The following PKD1L3 variants were observed in gnomAD, a reference collection of about 807,000 sequenced individuals.
PKD1L3 encodes the protein polycystin 1 like 3, transient receptor potential channel interacting.
Under a neutral mutation model 184.1 loss-of-function variants are expected in PKD1L3, and 239 were observed. The ratio of observed to expected loss-of-function variants is 1.30; its 90% CI spans 1.17 to 1.45. The LOEUF (loss-of-function observed/expected upper bound fraction) is 1.45. Ranked by LOEUF, PKD1L3 falls within the 40% of genes most tolerant of loss-of-function variation. The probability of loss-of-function intolerance (pLI) is 0.00; values close to 1 mark genes in which losing one functional copy is unlikely to be tolerated. For missense variants in PKD1L3, 2,660 were observed against 2,067.2 expected (o/e 1.29, Z -5.56); for synonymous variants, 996 against 778.8 (o/e 1.28, Z -4.64).
At position 71,980,120 on chromosome 16, in the gene PKD1L3, C is replaced by T. The variant is rs2040092560; in HGVS notation, c.1158G>A (p.Leu386=). ...KRHTEPVEDI[L]EMSLVEFGNI... ...TCCCAAACTCCACCAAGGACATTTC[C>T]AGGATGTCTTCTACCTGCATGGAAA... The change falls in exon 8 of 30, where the codon CTG becomes CTA. Residue 386 remains leucine, a synonymous_variant. Transcript: ENST00000620267. 1.3e-6 allele frequency: 2 copies of T among 1,551,478 alleles called. No individual in the cohort carries two copies. Among genetic ancestry groups the T allele is most frequent in the African/African-American group, 1.4e-5 (1 of 73,054 alleles).
chr16:71,961,979 C>G (rs2039297729), intron 16 of PKD1L3, among the ~76,000 whole-genome samples: 1 of 152,198 alleles, frequency 6.6e-6, no homozygotes, highest in African/African-American at 2.4e-5. Flanking sequence ...GGCTGGAGCA[C>G]AGTGGCTGTA....
rs547268544 is a variant in PKD1L3, at chr16:71,944,153, C to G, written c.3736G>C (p.Val1246Leu). The change falls in exon 23 of 30, where the codon GTA becomes CTA. Residue 1246 changes from valine to leucine, a missense_variant. Physicochemically the swap from Val to Leu is conservative, Grantham distance 32. Transcript: ENST00000620267. ...TTGTTCTTATCTCTTGAACCTGGTACTGACGAAGAACATTTTGCTGTCAAA... is the reference window on the plus strand; with the variant it reads ...TTGTTCTTATCTCTTGAACCTGGTAGTGACGAAGAACATTTTGCTGTCAAA... ...LALLAKCSSS[V>L]PGSRDKNNPV... 16 of 1,549,900 alleles carry G rather than the reference C, an allele frequency of 1.0e-5. No individual in the cohort carries two copies. The East Asian group carries it at 3.9e-4, about 38-fold the overall frequency.
intron 24 of PKD1L3, among the ~76,000 whole-genome samples, chr16:71,942,218 G>C (rs1310600879): frequency 1.3e-5 from 2 of 152,076 alleles, no homozygotes; most frequent in Non-Finnish European, 2.9e-5. Flanking sequence ...TGTAATCCCA[G>C]TTACTTGGGA....
intron 3 of PKD1L3, among the ~76,000 whole-genome samples, chr16:71,990,863 A>G (rs1345536212): frequency 2.0e-5 from 3 of 152,202 alleles, no homozygotes; most frequent in African/African-American, 7.2e-5. Context: ...ATTATCAACA[A>G]CAAAATCCAG....
At position 71,967,119 on chromosome 16, in the gene PKD1L3, C is replaced by T. The variant is rs1567523311; in HGVS notation, c.2465+18G>A. The T allele has an allele frequency of 3.2e-6, 5 of 1,543,214 alleles. No homozygotes were observed. The highest frequency in any genetic ancestry group is 4.4e-6 in the Non-Finnish European group (5 of 1,142,420). Reference sequence around the variant, plus strand: ...TCCACAAAGCAGCAGCAACAGCCAACAGGATATAAGTACTCACCAGGAGGG... The same window carrying T: ...TCCACAAAGCAGCAGCAACAGCCAATAGGATATAAGTACTCACCAGGAGGG... On this transcript the variant is annotated intron_variant, in intron 15 of 29. Coordinates refer to ENST00000620267, the MANE Select transcript of PKD1L3 (RefSeq NM_181536.2).
intron 25 of PKD1L3, among the ~76,000 whole-genome samples, chr16:71,936,483 G>A (rs894129034): frequency 6.7e-6 from 1 of 149,854 alleles, no homozygotes; most frequent in Admixed American, 6.7e-5. Context: ...GATTACAGGC[G>A]TGAGCCACTG....
chr16:71,989,069 G>C (rs1296293902), intron 4 of PKD1L3, among the ~76,000 whole-genome samples: 1 of 152,206 alleles, frequency 6.6e-6, no homozygotes, highest in African/African-American at 2.4e-5. Flanking sequence ...CAATATAGCA[G>C]AGTGGCATAT....
Position 71,963,219 on chromosome 16 carries a change from C to T in PKD1L3, c.2598G>A (p.Glu866=). The T allele has an allele frequency of 3.9e-6, 6 of 1,549,046 alleles. No individual in the cohort carries two copies. The highest frequency in any genetic ancestry group is 4.4e-6 in the Non-Finnish European group (5 of 1,145,794). ...TCCAACAGTACCTAAAGGAAAAGAGCTCTCTCTTTGAAACTGGGATGAAGA... is the reference window on the plus strand; with the variant it reads ...TCCAACAGTACCTAAAGGAAAAGAGTTCTCTCTTTGAAACTGGGATGAAGA... ...DRVFIPVSKR[E]LFSFRHLFSS... Residue 866 remains glutamate (E), a synonymous_variant, in exon 16 of 30, where the codon GAG becomes GAA. Transcript: ENST00000620267.
intron 25 of PKD1L3, 38 bp from the exon 26 acceptor site, chr16:71,935,556 G>A: frequency 1.9e-6 from 3 of 1,541,368 alleles, no homozygotes; most frequent in Non-Finnish European, 8.8e-7. Context: ...GCTTGTCTGA[G>A]AGATTAGCTA....
chr16:71,999,884 T>C lies in PKD1L3; in HGVS notation c.95A>G (p.Asn32Ser). Residue 32 changes from asparagine (N) to serine (S), a missense_variant, in exon 1 of 30, where the codon AAT becomes AGT. Physicochemically the swap from Asn to Ser is conservative, Grantham distance 46 (BLOSUM62 1). Transcript: ENST00000620267. ...ELNSPAPHGQ[N>S]NCYQLNRFQC... is the part of the protein sequence containing the mutation. ...AAATCTGTTAAGCTGGTAACAATTA[T>C]TTTGCCCATGTGGTGCTGGGCTGTT... 1 of 1,551,826 alleles carries C rather than the reference T, an allele frequency of 6.4e-7. No homozygotes were observed. Among genetic ancestry groups the C allele is most frequent in the Non-Finnish European group, 8.7e-7 (1 of 1,147,018 alleles).
intron 4 of PKD1L3, among the ~76,000 whole-genome samples, chr16:71,987,212 T>G (rs955247461): frequency 6.6e-6 from 1 of 151,562 alleles, no homozygotes; most frequent in African/African-American, 2.4e-5. Flanking sequence ...CGTGAGCCAC[T>G]GCACCCGGCT....
At chr16:71,943,361 A>C (rs776888311) in intron 23 of PKD1L3, among the ~76,000 whole-genome samples, 1 of 150,890 alleles carries the variant, frequency 6.6e-6, no homozygotes, top group African/African-American at 2.4e-5. Context: ...ACATAGTAAA[A>C]CCCCCCCATC....
chr16:71,987,571 C>T (rs920171433), intron 4 of PKD1L3, among the ~76,000 whole-genome samples: 4 of 151,642 alleles, frequency 2.6e-5, no homozygotes, highest in African/African-American at 9.7e-5. Context: ...CAGGGTTTCA[C>T]CACCATGTTG....
At position 71,980,227 on chromosome 16, in the gene PKD1L3, TCA is replaced by T. The variant is rs760155113; in HGVS notation, c.1144-95_1144-94del. The T allele has an allele frequency of 7.7e-6, 11 of 1,436,678 alleles. 1 individual carries two copies. Among genetic ancestry groups the T allele is most frequent in the East Asian group, 2.5e-5 (1 of 40,352 alleles). 89.0% of individuals were successfully genotyped at this position (1,436,678 alleles called of 1,614,324 possible). On this transcript the variant is annotated intron_variant, in intron 7 of 29. Transcript: ENST00000620267. ...TTGGAGAAGATTGGAAGGGGAATTT[TCA>T]CAGTGTTGTAATGAAGGGTAGTATT...
chr16:71,949,791 G>A lies in PKD1L3; in HGVS notation c.3610C>T (p.Pro1204Ser). ...TCCCATCCCTCACATACCTTTACTG[G>A]CTGGCTGATGAAGATGTTCTGAAGC... is the stretch of plus-strand genomic sequence containing the variant. ...SVLQNIFISQ[P>S]VKVVFFTFLY... is the part of the protein sequence containing the mutation. The change falls in exon 21 of 30, where the codon CCA (proline) becomes TCA (serine). Residue 1204 changes from proline (P) to serine (S), a missense_variant. Physicochemically the swap from Pro to Ser is moderately conservative, Grantham distance 74 (BLOSUM62 -1). Transcript: ENST00000620267. The A allele has an allele frequency of 6.5e-7, 1 of 1,549,796 alleles. No homozygotes were observed. Among genetic ancestry groups the A allele is most frequent in the Admixed American group, 2.0e-5 (1 of 50,966 alleles).
intron 8 of PKD1L3, 31 bp downstream of exon 8, chr16:71,979,976 G>C (rs1435264484): frequency 6.4e-7 from 1 of 1,550,428 alleles, no homozygotes; most frequent in East Asian, 2.4e-5. Context: ...AAAACACAGT[G>C]AAACTCTCCC....
chr16:71,973,423 A>T lies in PKD1L3; in HGVS notation c.1854T>A (p.Gly618=). 6.4e-7 allele frequency: 1 copy of T among 1,551,236 alleles called. No homozygotes were observed. The highest frequency in any genetic ancestry group is 8.7e-7 in the Non-Finnish European group (1 of 1,146,952). Residue 618 remains glycine (G), a synonymous_variant, in exon 12 of 30, where the codon GGT becomes GGA. Coordinates refer to ENST00000620267, the MANE Select transcript of PKD1L3 (RefSeq NM_181536.2). The part of the protein sequence containing the change: ...ITAVLSERQE[G]AQQTPSLVSV... The stretch of plus-strand genomic sequence containing the variant: ...AGACCAAGCTGGGTGTCTGCTGAGC[A>T]CCCTCCTGCCTCTCACTCAGCACAG...
chr16:71,999,286 G>C (rs192334025), intron 1 of PKD1L3, among the ~76,000 whole-genome samples: 1 of 142,178 alleles, frequency 7.0e-6, no homozygotes, highest in Non-Finnish European at 1.5e-5. Context: ...AAAAAAAAAA[G>C]AAAAAGAAAA....
At chr16:71,945,093 TCA>T (rs1192569936) in intron 22 of PKD1L3, among the ~76,000 whole-genome samples, 1 of 150,836 alleles carries the variant, frequency 6.6e-6, no homozygotes, top group African/African-American at 2.4e-5. Context: ...TTTTAAATGC[TCA>T]TTCCTGATTC....
Sources: allele counts gnomAD v4.1 joint callset (sites outside exome capture counted in the v4.1 genomes callset), GRCh38; gene constraint gnomAD v4.1.1; transcripts MANE v1.5; gene names NCBI Gene and HGNC (gene_info 2026-07-23, HGNC 2026-07-21).